Variants in FHIT observed in about 807,000 individuals in gnomAD.
FHIT encodes the protein bis(5'-adenosyl)-triphosphatase.
In FHIT, 19 loss-of-function variants were observed where a neutral mutation model predicts 17.9. The observed-to-expected ratio is 1.06, with a 90% CI of 0.74 to 1.56. The LOEUF (loss-of-function observed/expected upper bound fraction) is 1.56. Among genes scored for constraint, FHIT ranks in the 40% most tolerant of loss-of-function variants. The probability of loss-of-function intolerance (pLI) is 0.00; values close to 1 mark genes in which losing one functional copy is unlikely to be tolerated. For missense variants in FHIT, 248 were observed against 189.2 expected (o/e 1.31, Z -1.82); for synonymous variants, 81 against 69.7 (o/e 1.16, Z -0.81).
At position 60,188,718 on chromosome 3, in the gene FHIT, T is replaced by C. The variant is rs149086061; in HGVS notation, c.104-174566A>G. 1.1e-3 allele frequency among the ~76,000 whole-genome samples: 169 copies of C among 152,312 alleles called. 2 individuals are homozygous for C. Among genetic ancestry groups the C allele is most frequent in the African/African-American group, 3.8e-3 (160 of 41,594 alleles). ...TGATGACAAACATTGAATCTATTTC[T>C]ATTAAAGACAAACATGCACAATTTC... On this transcript the variant is annotated intron_variant, in intron 5 of 9. Coordinates refer to ENST00000492590, the MANE Select transcript of FHIT (RefSeq NM_002012.4).
At chr3:60,518,213 G>A (rs559352521) in intron 5 of FHIT, among the ~76,000 whole-genome samples, 1 of 152,050 alleles carries the variant, frequency 6.6e-6, no homozygotes, top group South Asian at 2.1e-4. Context: ...AAGAGGCTAG[G>A]GCCAAAAAAG....
chr3:61,144,177 T>A (rs1576097630), intron 2 of FHIT, among the ~76,000 whole-genome samples: 2 of 152,194 alleles, frequency 1.3e-5, no homozygotes, highest in East Asian at 3.9e-4. Flanking sequence ...AGAAAGCCCA[T>A]GTGCATTAGC....
At chr3:60,296,038 C>T (rs987115614) in intron 5 of FHIT, among the ~76,000 whole-genome samples, 4 of 152,090 alleles carry the variant, frequency 2.6e-5, no homozygotes, top group Non-Finnish European at 5.9e-5. Flanking sequence ...TTTCCCCTTT[C>T]GCTTGGCTCA....
At chr3:61,102,890 A>G (rs887275169) in intron 2 of FHIT, among the ~76,000 whole-genome samples, 1 of 152,104 alleles carries the variant, frequency 6.6e-6, no homozygotes, top group Non-Finnish European at 1.5e-5. Context: ...CTGTGGGATC[A>G]GTGGTGATAT....
At chr3:61,198,412 T>C (rs559632737) in intron 2 of FHIT, among the ~76,000 whole-genome samples, 4 of 152,158 alleles carry the variant, frequency 2.6e-5, no homozygotes, top group East Asian at 3.9e-4. Flanking sequence ...CACCCATCCA[T>C]AGGCAGGGTG....
At chr3:59,975,541 G>C (rs1158130377) in intron 7 of FHIT, among the ~76,000 whole-genome samples, 43 of 151,868 alleles carry the variant, frequency 2.8e-4, no homozygotes, top group Non-Finnish European at 3.5e-4. Context: ...ATAAAGGTAG[G>C]AACTATTATC....
chr3:60,456,009 C>T (rs2032066474), intron 5 of FHIT, among the ~76,000 whole-genome samples: 1 of 152,048 alleles, frequency 6.6e-6, no homozygotes, highest in Admixed American at 6.6e-5. Flanking sequence ...CTTTAACTAG[C>T]CCATTAATCC....
At chr3:60,178,916 C>T (rs1177123302) in intron 5 of FHIT, among the ~76,000 whole-genome samples, 1 of 152,064 alleles carries the variant, frequency 6.6e-6, no homozygotes, top group Non-Finnish European at 1.5e-5. Flanking sequence ...AGCTTGGGGA[C>T]GATTTTCCCT....
intron 5 of FHIT, among the ~76,000 whole-genome samples, chr3:60,218,787 C>A (rs774726214): frequency 6.6e-6 from 1 of 152,096 alleles, no homozygotes; most frequent in Non-Finnish European, 1.5e-5. Context: ...ACTTACCCTG[C>A]ATCTGACAGC....
At chr3:60,821,630 A>C (rs1465089689) in intron 4 of FHIT, among the ~76,000 whole-genome samples, 1 of 152,208 alleles carries the variant, frequency 6.6e-6, no homozygotes, top group Non-Finnish European at 1.5e-5. Context: ...GTCAGGTAAC[A>C]GGTAAGCTAC....
chr3:61,248,510 T>C (rs930456010), intron 1 of FHIT, among the ~76,000 whole-genome samples: 1 of 152,200 alleles, frequency 6.6e-6, no homozygotes, highest in African/African-American at 2.4e-5. Context: ...AAGTCACAAC[T>C]TGATAGATTT....
intron 1 of FHIT, among the ~76,000 whole-genome samples, chr3:61,222,577 T>C (rs1411047942): frequency 6.6e-6 from 1 of 152,116 alleles, no homozygotes; most frequent in Non-Finnish European, 1.5e-5. Flanking sequence ...AGCAAAATGA[T>C]CTTAACAAAC....
chr3:59,814,742 C>G (rs943676867), intron 8 of FHIT, among the ~76,000 whole-genome samples: 46 of 152,312 alleles, frequency 3.0e-4, no homozygotes, highest in African/African-American at 1.0e-3. Flanking sequence ...GACAGTCCCT[C>G]TCTCATGGAG....
At chr3:61,042,373 T>C (rs575271276) in intron 2 of FHIT, among the ~76,000 whole-genome samples, 3 of 152,282 alleles carry the variant, frequency 2.0e-5, no homozygotes, top group Admixed American at 1.3e-4. Flanking sequence ...GGATTGAAAC[T>C]TAAAGTGTTC....
intron 5 of FHIT, among the ~76,000 whole-genome samples, chr3:60,299,861 A>G (rs887658660): frequency 1.3e-5 from 2 of 152,046 alleles, no homozygotes; most frequent in African/African-American, 4.8e-5. Context: ...CACGTTTTTC[A>G]ATGTGTGTAT....
chr3:60,327,577 C>T lies in FHIT; in HGVS notation c.103+209283G>A, dbSNP rs144197389. Among the ~76,000 whole-genome samples the T allele has an allele frequency of 4.3e-3, 655 of 152,282 alleles. 16 individuals are homozygous for T. Among genetic ancestry groups the T allele is most frequent in the Admixed American group, 0.035 (533 of 15,280 alleles). ...GACCATGTCTTGCATATGGTGTGTG[C>T]TAAATATTTAATATTATGAATGAAT... is the stretch of plus-strand genomic sequence containing the variant. On this transcript the variant is annotated intron_variant, in intron 5 of 9. Coordinates refer to ENST00000492590, the MANE Select transcript of FHIT (RefSeq NM_002012.4).
chr3:60,235,571 A>C (rs573124271), intron 5 of FHIT, among the ~76,000 whole-genome samples: 41 of 152,274 alleles, frequency 2.7e-4, no homozygotes, highest in Admixed American at 2.4e-3. Flanking sequence ...CAGACGTTTG[A>C]GAAACTCAAG....
chr3:60,629,079 A>T (rs2039371975), intron 4 of FHIT, among the ~76,000 whole-genome samples: 1 of 152,162 alleles, frequency 6.6e-6, no homozygotes, highest in African/African-American at 2.4e-5. Flanking sequence ...TAGGTGGAAG[A>T]AGGTAATTCC....
intron 5 of FHIT, among the ~76,000 whole-genome samples, chr3:60,191,946 C>A (rs1367216483): frequency 6.6e-6 from 1 of 151,680 alleles, no homozygotes; most frequent in Non-Finnish European, 1.5e-5. Context: ...CACCTACAAT[C>A]AAAAAAATAA....
Sources: gnomAD v4.1 joint callset for allele counts (sites outside exome capture counted in the v4.1 genomes callset) on GRCh38, gnomAD v4.1.1 for gene constraint, MANE v1.5 for transcripts, NCBI Gene and HGNC (gene_info 2026-07-23, HGNC 2026-07-21) for gene names.